Variants in MLIP observed in about 807,000 individuals in gnomAD.
MLIP encodes muscular LMNA-interacting protein.
In MLIP, 79 loss-of-function variants were observed where a neutral mutation model predicts 84.8. That is an observed-to-expected ratio of 0.93 (90% CI 0.78 to 1.12). MLIP has a LOEUF of 1.12. MLIP is among the 50% of genes most tolerant of loss of function. The pLI is 0.00. For missense variants in MLIP, 1,257 were observed against 1,160.6 expected, an observed-to-expected ratio of 1.08 and a Z score of -1.21; for synonymous variants, 504 against 463.0, an observed-to-expected ratio of 1.09 and a Z score of -1.14.
At chr6:54,143,256 C>T (rs558015370) in intron 4 of MLIP, among the ~76,000 whole-genome samples, 7 of 145,526 alleles carry the variant, frequency 4.8e-5, no homozygotes, top group South Asian at 2.2e-4. Context: ...TCGCTCTTGG[C>T]GTCCAGGCTG....
chr6:54,045,179 C>G (rs535753438), intron 1 of MLIP, among the ~76,000 whole-genome samples: 1 of 151,964 alleles, frequency 6.6e-6, no homozygotes, highest in South Asian at 2.1e-4. Flanking sequence ...CGAAACCTAT[C>G]TCTACTAAAA....
chr6:54,209,862 A>G (rs1159632937), intron 11 of MLIP, among the ~76,000 whole-genome samples: 1 of 152,242 alleles, frequency 6.6e-6, no homozygotes, highest in Non-Finnish European at 1.5e-5. Context: ...TTTAAGAATT[A>G]GAGACAGTAA....
At chr6:54,030,010 CACAGTGGTAT>C (rs1427780385) in intron 1 of MLIP, among the ~76,000 whole-genome samples, 2 of 152,104 alleles carry the variant, frequency 1.3e-5, no homozygotes, top group Non-Finnish European at 2.9e-5. Context: ...AAATGAGAAT[CACAGTGGTAT>C]ACAAATTACT....
intron 1 of MLIP, among the ~76,000 whole-genome samples, chr6:54,115,540 G>A (rs1463943794): frequency 6.6e-6 from 1 of 152,060 alleles, no homozygotes; most frequent in African/African-American, 2.4e-5. Context: ...GGGATGTGAG[G>A]GGCAAGGAAG....
intron 1 of MLIP, among the ~76,000 whole-genome samples, chr6:54,091,535 G>A (rs1767873832): frequency 6.6e-6 from 1 of 152,140 alleles, no homozygotes; most frequent in Admixed American, 6.6e-5. Context: ...CTGGGAGACT[G>A]ACTTAGTCTT....
At chr6:54,122,797 C>T (rs1284612826) in intron 2 of MLIP, among the ~76,000 whole-genome samples, 5 of 152,130 alleles carry the variant, frequency 3.3e-5, no homozygotes, top group African/African-American at 1.2e-4. Context: ...GGTTGCAAGC[C>T]TCCAGAGCTT....
chr6:54,219,213 TAAAAATA>T (rs1482947049), intron 11 of MLIP, among the ~76,000 whole-genome samples: 1 of 150,256 alleles, frequency 6.7e-6, no homozygotes, highest in South Asian at 2.1e-4. Flanking sequence ...TCAAAAAAAA[TAAAAATA>T]AAAAATAAAA....
chr6:54,187,270 G>A (rs910245506), intron 9 of MLIP, among the ~76,000 whole-genome samples: 7 of 152,002 alleles, frequency 4.6e-5, no homozygotes, highest in Non-Finnish European at 8.8e-5. Context: ...AGGGCTTCTT[G>A]GATATCTAAA....
intron 1 of MLIP, among the ~76,000 whole-genome samples, chr6:54,075,358 C>G (rs772382373): frequency 8.0e-5 from 12 of 150,870 alleles, no homozygotes; most frequent in Non-Finnish European, 1.3e-4. Flanking sequence ...TTTGTCCTTG[C>G]TTTTCTCTGC....
At chr6:54,063,658 A>C (rs183032949) in intron 1 of MLIP, among the ~76,000 whole-genome samples, 83 of 150,306 alleles carry the variant, frequency 5.5e-4, no homozygotes, top group African/African-American at 1.9e-3. Flanking sequence ...AAAAAGTCTA[A>C]GCTTTTAAAA....
chr6:54,138,064 C>A lies in MLIP; in HGVS notation c.1995C>A (p.Ala665=). ...TGAGGTCCTCCTCTCTCCCTCATGC[C>A]AATCTGCCCACCCTGGTGCCCCAGC... The part of the protein sequence containing the change: ...PNLRSSSLPH[A]NLPTLVPQLS... The change falls in exon 4 of 14, where the codon GCC becomes GCA. Residue 665 remains alanine (A), a synonymous_variant. Coordinates refer to ENST00000502396, the MANE Select transcript of MLIP (RefSeq NM_001281747.2). 4 of 1,536,152 alleles carry A rather than the reference C, an allele frequency of 2.6e-6. No homozygotes were observed. The highest frequency in any genetic ancestry group is 3.5e-6 in the Non-Finnish European group (4 of 1,146,892).
intron 1 of MLIP, among the ~76,000 whole-genome samples, chr6:54,078,845 C>T (rs932452329): frequency 6.6e-6 from 1 of 151,964 alleles, no homozygotes; most frequent in Non-Finnish European, 1.5e-5. Context: ...GCGCCTGCCA[C>T]CACATGCAGC....
intron 12 of MLIP, among the ~76,000 whole-genome samples, chr6:54,253,267 A>T (rs1015231649): frequency 6.6e-6 from 1 of 152,118 alleles, no homozygotes; most frequent in African/African-American, 2.4e-5. Flanking sequence ...GCTCTGTCTT[A>T]GCAGTTCAGA....
At chr6:54,114,157 C>T (rs1226747931) in intron 1 of MLIP, among the ~76,000 whole-genome samples, 3 of 152,184 alleles carry the variant, frequency 2.0e-5, no homozygotes, top group Non-Finnish European at 4.4e-5. Flanking sequence ...TGGTGGATCA[C>T]TCAATGTTAG....
intron 11 of MLIP, among the ~76,000 whole-genome samples, chr6:54,229,459 G>A (rs192757391): frequency 1.3e-5 from 2 of 152,296 alleles, no homozygotes; most frequent in East Asian, 3.9e-4. Flanking sequence ...GCATGGGTCA[G>A]CACAACACCT....
At chr6:54,200,631 TTTG>T (rs766931705) in intron 10 of MLIP, among the ~76,000 whole-genome samples, 949 of 23,054 alleles carry the variant, frequency 0.041, 28 homozygotes, top group South Asian at 0.22. Context: ...TTTTTTTTTT[TTTG>T]GCAGCACTTA....
intron 9 of MLIP, among the ~76,000 whole-genome samples, chr6:54,182,359 C>T (rs964756675): frequency 2.0e-5 from 3 of 152,180 alleles, no homozygotes; most frequent in Non-Finnish European, 4.4e-5. Context: ...TGCACAGACT[C>T]TCTGTGCTGC....
At chr6:54,258,951 T>A (rs1229534598) in intron 13 of MLIP, among the ~76,000 whole-genome samples, 2 of 151,920 alleles carry the variant, frequency 1.3e-5, no homozygotes, top group African/African-American at 4.8e-5. Flanking sequence ...GATAAAGATA[T>A]TTATCCAAAT....
rs112128281 is a variant in MLIP at position 54,253,473 on chromosome 6, A to C, written c.2923-3835A>C. Among the ~76,000 whole-genome samples the C allele has an allele frequency of 8.1e-4, 123 of 152,296 alleles. 1 individual carries two copies. Among genetic ancestry groups the C allele is most frequent in the Middle Eastern group, 3.4e-3 (1 of 294 alleles). ...CTCCCTCAGCTTCACAATTTCGGGC[A>C]GTCCAGAAAACATACTTTATCTCCA... On this transcript the variant is annotated intron_variant, in intron 12 of 13. Coordinates refer to ENST00000502396, the MANE Select transcript of MLIP (RefSeq NM_001281747.2).
Sources: gnomAD v4.1 joint callset for allele counts (sites outside exome capture counted in the v4.1 genomes callset) on GRCh38, gnomAD v4.1.1 for gene constraint, MANE v1.5 for transcripts, NCBI Gene and HGNC (gene_info 2026-07-23, HGNC 2026-07-21) for gene names.